The following TRERF1 variants were observed in gnomAD, a reference collection of about 807,000 sequenced individuals.
TRERF1 encodes transcriptional-regulating factor 1.
A neutral mutation model predicts 122.9 loss-of-function variants in TRERF1; 27 were observed. That is an observed-to-expected ratio of 0.22 (90% CI 0.16 to 0.30). The LOEUF is 0.30. Ranked by LOEUF, TRERF1 falls within the 10% of genes least tolerant of loss-of-function variation. The probability of loss-of-function intolerance (pLI) is 1.00; values close to 1 mark genes in which losing one functional copy is unlikely to be tolerated. For synonymous variants in TRERF1, 636 were observed against 641.7 expected (o/e 0.99, Z 0.13); for missense variants, 1,248 against 1,560.3 (o/e 0.80, Z 3.37).
intron 4 of TRERF1, among the ~76,000 whole-genome samples, chr6:42,271,841 G>T (rs1448911774): frequency 1.3e-5 from 2 of 152,070 alleles, no homozygotes; most frequent in African/African-American, 4.8e-5. Flanking sequence ...ATATGGTAGG[G>T]AAACAAGTGA....
chr6:42,238,516 A>G (rs1456690532), intron 15 of TRERF1, among the ~76,000 whole-genome samples: 1 of 152,206 alleles, frequency 6.6e-6, no homozygotes, highest in Non-Finnish European at 1.5e-5. Flanking sequence ...CGTAACAACA[A>G]GTTGGTCATT....
At chr6:42,450,970 T>TC (rs1255656717) in intron 2 of TRERF1, among the ~76,000 whole-genome samples, 1 of 151,064 alleles carries the variant, frequency 6.6e-6, no homozygotes, top group Non-Finnish European at 1.5e-5. Flanking sequence ...ACCTCATCCC[T>TC]CCCCCTTTGC....
intron 16 of TRERF1, among the ~76,000 whole-genome samples, chr6:42,234,182 A>G (rs11960974): frequency 0.033 from 4,999 of 152,228 alleles, 299 homozygotes; most frequent in African/African-American, 0.11. Context: ...GTTCAGAACC[A>G]CCGCTATAAA....
At chr6:42,394,557 G>GA (rs1423608869) in intron 2 of TRERF1, among the ~76,000 whole-genome samples, 1 of 152,286 alleles carries the variant, frequency 6.6e-6, no homozygotes, top group East Asian at 1.9e-4. Context: ...CTCAGCCAGC[G>GA]AGTGTCCAGG....
At chr6:42,279,208 C>T (rs1356571377) in intron 4 of TRERF1, among the ~76,000 whole-genome samples, 2 of 152,162 alleles carry the variant, frequency 1.3e-5, no homozygotes, top group East Asian at 3.9e-4. Context: ...CAGACCCTTG[C>T]TGTGGGGGAC....
intron 4 of TRERF1, among the ~76,000 whole-genome samples, chr6:42,295,417 T>C (rs1784934082): frequency 6.6e-6 from 1 of 152,202 alleles, no homozygotes; most frequent in Non-Finnish European, 1.5e-5. Context: ...TGGTGTCAAA[T>C]GTTAGCCGCA....
chr6:42,443,624 G>A (rs1786935264), intron 2 of TRERF1, among the ~76,000 whole-genome samples: 1 of 152,180 alleles, frequency 6.6e-6, no homozygotes, highest in Non-Finnish European at 1.5e-5. Flanking sequence ...GGCCCTTTGG[G>A]TGGGCAGGTC....
chr6:42,283,896 G>T (rs1272937672), intron 4 of TRERF1, among the ~76,000 whole-genome samples: 1 of 152,078 alleles, frequency 6.6e-6, no homozygotes, highest in Non-Finnish European at 1.5e-5. Flanking sequence ...GATTACAGGT[G>T]TGAGCCACTG....
intron 2 of TRERF1, among the ~76,000 whole-genome samples, chr6:42,416,380 A>C (rs535774323): frequency 2.0e-5 from 3 of 152,330 alleles, no homozygotes; most frequent in Non-Finnish European, 4.4e-5. Flanking sequence ...TCCCATGTTG[A>C]GGAGGTATCC....
At chr6:42,446,884 A>G (rs980596600) in intron 2 of TRERF1, among the ~76,000 whole-genome samples, 5 of 152,172 alleles carry the variant, frequency 3.3e-5, no homozygotes, top group Non-Finnish European at 7.3e-5. Context: ...GCACGCCTGT[A>G]ATCCCAGCTA....
At chr6:42,329,469 C>G (rs1764859372) in intron 3 of TRERF1, among the ~76,000 whole-genome samples, 2 of 152,134 alleles carry the variant, frequency 1.3e-5, no homozygotes. Context: ...TTCCCCAGGA[C>G]CAACCTCCCA....
chr6:42,369,873 C>T (rs551850968), intron 2 of TRERF1, among the ~76,000 whole-genome samples: 41 of 152,086 alleles, frequency 2.7e-4, no homozygotes, highest in Non-Finnish European at 5.6e-4. Flanking sequence ...CTAAAAACTT[C>T]TCCGTCTCCT....
intron 3 of TRERF1, among the ~76,000 whole-genome samples, chr6:42,356,252 G>A (rs188486628): frequency 1.9e-4 from 29 of 152,254 alleles, no homozygotes; most frequent in Non-Finnish European, 3.5e-4. Flanking sequence ...GAGTTGTTTC[G>A]GACTGAATGT....
intron 3 of TRERF1, among the ~76,000 whole-genome samples, chr6:42,334,144 A>G (rs79122235): frequency 0.039 from 5,983 of 152,254 alleles, 268 homozygotes; most frequent in East Asian, 0.22. Context: ...CATGGGACAA[A>G]TATAGAAATC....
chr6:42,422,655 T>C (rs535816865), intron 2 of TRERF1, among the ~76,000 whole-genome samples: 1 of 152,098 alleles, frequency 6.6e-6, no homozygotes, highest in Non-Finnish European at 1.5e-5. Context: ...TCTCAAGCAG[T>C]AATTTCACGA....
chr6:42,321,402 T>C (rs950818438), intron 3 of TRERF1, among the ~76,000 whole-genome samples: 1 of 150,372 alleles, frequency 6.7e-6, no homozygotes, highest in Non-Finnish European at 1.5e-5. Flanking sequence ...CTAGAGAGTT[T>C]GAGAGAAAAA....
intron 4 of TRERF1, among the ~76,000 whole-genome samples, chr6:42,277,945 G>GAAGAAGAAGAACAAGAACAAGAAC (rs1781563818): frequency 6.7e-6 from 1 of 149,714 alleles, no homozygotes; most frequent in African/African-American, 2.5e-5. Flanking sequence ...AGAAGAAGAA[G>GAAGAAGAAGAACAAGAACAAGAAC]AAGAAGAAGA....
Position 42,293,951 on chromosome 6 carries a change from G to T in TRERF1, c.-259+6687C>A, listed in dbSNP as rs79913753. On this transcript the variant is annotated intron_variant, in intron 4 of 17. Coordinates refer to ENST00000372922, the Ensembl canonical transcript of TRERF1. ...AATCCCCTGAGACCCTGCCTGGCCT[G>T]TCCCAGGACACTGAACAATCTTGGG... 4.8e-3 allele frequency among the ~76,000 whole-genome samples: 734 copies of T among 152,236 alleles called. 16 individuals are homozygous for T. Among genetic ancestry groups the T allele is most frequent in the Admixed American group, 0.043 (656 of 15,288 alleles).
At chr6:42,299,371 T>C (rs1341552288) in intron 4 of TRERF1, among the ~76,000 whole-genome samples, 3 of 151,718 alleles carry the variant, frequency 2.0e-5, no homozygotes, top group African/African-American at 7.3e-5. Context: ...GCAGAAAAAA[T>C]TAAATGCATG....
Sources: gnomAD v4.1 joint callset for allele counts (sites outside exome capture counted in the v4.1 genomes callset) on GRCh38, gnomAD v4.1.1 for gene constraint, MANE v1.5 for transcripts, NCBI Gene and HGNC (gene_info 2026-07-23, HGNC 2026-07-21) for gene names.